The following CAB39 variants were observed in gnomAD, a reference collection of about 807,000 sequenced individuals.
The protein encoded by CAB39 is calcium binding protein 39.
In CAB39, 8 loss-of-function variants were observed where a neutral mutation model predicts 40.0. The ratio of observed to expected loss-of-function variants is 0.20; its 90% CI spans 0.12 to 0.36. The LOEUF (loss-of-function observed/expected upper bound fraction) is 0.36, where lower values mean the gene tolerates loss of function less well. Ranked by LOEUF, CAB39 falls within the 10% of genes least tolerant of loss-of-function variation. The probability of loss-of-function intolerance (pLI) is 1.00; values close to 1 mark genes in which losing one functional copy is unlikely to be tolerated. For synonymous variants in CAB39, 156 were observed against 141.6 expected (o/e 1.10, Z -0.72); for missense variants, 270 against 401.1 (o/e 0.67, Z 2.79).
intron 1 of CAB39, among the ~76,000 whole-genome samples, chr2:230,739,150 C>G (rs917814500): frequency 6.6e-6 from 1 of 152,070 alleles, no homozygotes; most frequent in African/African-American, 2.4e-5. Context: ...TGATGTTTGC[C>G]CATGATCATA....
At chr2:230,757,037 T>C (rs1464808337) in intron 1 of CAB39, among the ~76,000 whole-genome samples, 1 of 152,208 alleles carries the variant, frequency 6.6e-6, no homozygotes, top group Non-Finnish European at 1.5e-5. Context: ...ATTTATTAAC[T>C]TTACCAATGT....
At chr2:230,817,078 C>A (rs1315024089) in intron 7 of CAB39, among the ~76,000 whole-genome samples, 2 of 152,162 alleles carry the variant, frequency 1.3e-5, no homozygotes, top group African/African-American at 4.8e-5. Context: ...TATGATATAA[C>A]CAACTCTCCA....
intron 2 of CAB39, among the ~76,000 whole-genome samples, chr2:230,781,127 G>C (rs1250287751): frequency 6.6e-6 from 1 of 151,976 alleles, no homozygotes; most frequent in Non-Finnish European, 1.5e-5. Flanking sequence ...TCTTCTAAAA[G>C]TTTCTCAGGT....
intron 1 of CAB39, among the ~76,000 whole-genome samples, chr2:230,742,773 G>A (rs1694905056): frequency 6.6e-6 from 1 of 152,172 alleles, no homozygotes; most frequent in Non-Finnish European, 1.5e-5. Flanking sequence ...GTGGAAAGAA[G>A]AGGAAGGCAA....
chr2:230,758,857 C>T (rs909398118), intron 1 of CAB39, among the ~76,000 whole-genome samples: 1 of 152,156 alleles, frequency 6.6e-6, no homozygotes, highest in African/African-American at 2.4e-5. Flanking sequence ...TGATAGGAGA[C>T]TGTTTAGTGC....
intron 5 of CAB39, among the ~76,000 whole-genome samples, chr2:230,803,040 C>A (rs979821498): frequency 6.6e-6 from 1 of 152,132 alleles, no homozygotes; most frequent in Non-Finnish European, 1.5e-5. Context: ...AGCAGCACAT[C>A]AAAAAGAGTA....
intron 1 of CAB39, among the ~76,000 whole-genome samples, chr2:230,724,547 G>A (rs1488223790): frequency 2.0e-5 from 3 of 151,848 alleles, no homozygotes; most frequent in South Asian, 4.2e-4. Context: ...CGGGCATGGT[G>A]GCACATGCCT....
intron 1 of CAB39, among the ~76,000 whole-genome samples, chr2:230,740,843 A>G (rs998063215): frequency 3.9e-5 from 6 of 152,198 alleles, no homozygotes; most frequent in Non-Finnish European, 7.3e-5. Flanking sequence ...GTAGTATACA[A>G]TGGTTGAAGA....
At chr2:230,739,628 A>G (rs994323662) in intron 1 of CAB39, among the ~76,000 whole-genome samples, 3 of 152,160 alleles carry the variant, frequency 2.0e-5, no homozygotes, top group African/African-American at 4.8e-5. Context: ...CCAAGTGGCT[A>G]GGATTACAGG....
chr2:230,786,698 C>G (rs559556122), intron 2 of CAB39, among the ~76,000 whole-genome samples: 1 of 152,216 alleles, frequency 6.6e-6, no homozygotes, highest in African/African-American at 2.4e-5. Context: ...CTGAGGCCTC[C>G]TACTTATGGT....
chr2:230,797,625 G>A (rs184592337), intron 4 of CAB39, among the ~76,000 whole-genome samples: 1 of 152,040 alleles, frequency 6.6e-6, no homozygotes, highest in Admixed American at 6.6e-5. Flanking sequence ...AACAGAAAAT[G>A]CCTAACTAAT....
At chr2:230,779,152 A>G (rs1695645291) in intron 2 of CAB39, 1 of 152,222 alleles carries the variant, frequency 6.6e-6, no homozygotes, top group East Asian at 1.9e-4. Context: ...TCATTTGATC[A>G]TATGTGGAAG....
rs76187737 is a variant in CAB39 at position 230,781,461 on chromosome 2, T to C, written c.115-9411T>C. ...ACTTTTTCTACAGTGCTCAGAAATT[T>C]GGGAGCTCAAGTAGAGAAAGATTTG... is the stretch of plus-strand genomic sequence containing the variant. On this transcript the variant is annotated intron_variant, in intron 2 of 8. Transcript: ENST00000258418. Among the ~76,000 whole-genome samples the C allele has an allele frequency of 9.2e-3, 1,407 of 152,274 alleles. 25 individuals are homozygous for C. The highest frequency in any genetic ancestry group is 0.033 in the African/African-American group (1,352 of 41,544).
intron 1 of CAB39, among the ~76,000 whole-genome samples, chr2:230,730,167 C>T (rs746396479): frequency 2.6e-5 from 4 of 152,010 alleles, no homozygotes; most frequent in Non-Finnish European, 4.4e-5. Context: ...TAGAGTTCAG[C>T]GGCACGATCA....
At chr2:230,727,049 CAT>C (rs1054930415) in intron 1 of CAB39, among the ~76,000 whole-genome samples, 5 of 151,706 alleles carry the variant, frequency 3.3e-5, no homozygotes, top group South Asian at 2.1e-4. Flanking sequence ...AGGAACAAGA[CAT>C]AGGAGTATAT....
intron 2 of CAB39, among the ~76,000 whole-genome samples, chr2:230,776,657 C>CA (rs941745559): frequency 3.9e-5 from 6 of 151,960 alleles, no homozygotes; most frequent in African/African-American, 1.5e-4. Context: ...ACAAGTAGGT[C>CA]ATGGTTCCAG....
chr2:230,737,400 C>T (rs1694804997), intron 1 of CAB39, among the ~76,000 whole-genome samples: 1 of 152,174 alleles, frequency 6.6e-6, no homozygotes, highest in African/African-American at 2.4e-5. Context: ...AGGACACCTG[C>T]AGAAAATCTA....
chr2:230,749,061 C>T (rs1695039917), intron 1 of CAB39, among the ~76,000 whole-genome samples: 1 of 146,806 alleles, frequency 6.8e-6, no homozygotes, highest in African/African-American at 2.5e-5. Context: ...TTCACAACCT[C>T]CAAGGTAACC....
intron 2 of CAB39, among the ~76,000 whole-genome samples, chr2:230,776,546 T>C (rs1017548213): frequency 2.0e-5 from 3 of 152,202 alleles, no homozygotes; most frequent in African/African-American, 7.2e-5. Flanking sequence ...TAGAATCATA[T>C]AGTGTGTAAA....
Sources: allele counts gnomAD v4.1 joint callset (sites outside exome capture counted in the v4.1 genomes callset), GRCh38; gene constraint gnomAD v4.1.1; transcripts MANE v1.5; gene names NCBI Gene and HGNC (gene_info 2026-07-23, HGNC 2026-07-21).